The following GNB4 variants were observed in gnomAD, a reference collection of about 807,000 sequenced individuals.
The protein encoded by GNB4 is G protein subunit beta 4, also known as guanine nucleotide-binding protein subunit beta-4.
Under a neutral mutation model 45.2 loss-of-function variants are expected in GNB4, and 28 were observed. The ratio of observed to expected loss-of-function variants is 0.62; its 90% CI spans 0.46 to 0.85. The LOEUF (loss-of-function observed/expected upper bound fraction) is 0.85. Among genes scored for constraint, GNB4 ranks in the 40% least tolerant of loss-of-function variants. GNB4 has a pLI of 0.00. For missense variants in GNB4, 321 were observed against 425.4 expected (o/e 0.75, Z 2.16); for synonymous variants, 132 against 143.7 (o/e 0.92, Z 0.58).
chr3:179,427,946 A>AT (rs1715193859), intron 1 of GNB4, among the ~76,000 whole-genome samples: 1 of 152,110 alleles, frequency 6.6e-6, no homozygotes, highest in African/African-American at 2.4e-5. Context: ...ACCCAAGCCT[A>AT]TAACTTTTTA....
chr3:179,420,470 A>AT (rs1168351312), intron 3 of GNB4, among the ~76,000 whole-genome samples: 3,866 of 119,188 alleles, frequency 0.032, 162 homozygotes, highest in African/African-American at 0.096. Context: ...ATATATATAT[A>AT]TTTTTTTTTG....
chr3:179,465,386 G>A, the GNB4 span: 165,666 of 633,264 alleles, frequency 0.26, 23,752 homozygotes, highest in East Asian at 0.4. Context: ...GGCGAATCAC[G>A]AGATCAGGAA....
rs1386715280 is a variant in GNB4 at position 179,397,045 on chromosome 3, A to G, written c.*4168T>C. 1 of 152,208 alleles carries G rather than the reference A, an allele frequency of 6.6e-6. No homozygotes were observed. The highest frequency in any genetic ancestry group is 1.5e-5 in the Non-Finnish European group (1 of 68,030). The allele number at this position is 152,208 out of a possible 1,614,324, so 9.4% of individuals were successfully genotyped here. The stretch of plus-strand genomic sequence containing the variant: ...TTGCTTTTTCACAATGGCAAAAAGG[A>G]AAGAATTTGAACATAATATTTAATT... On this transcript the variant is annotated 3_prime_UTR_variant, in exon 10 of 10. Coordinates refer to ENST00000232564, the MANE Select transcript of GNB4 (RefSeq NM_021629.4).
At chr3:179,487,688 G>T in the GNB4 span, among the ~76,000 whole-genome samples, 1 of 151,964 alleles carries the variant, frequency 6.6e-6, no homozygotes, top group Admixed American at 6.5e-5. Flanking sequence ...AAGGTTTTTT[G>T]TTTGTTTGTT....
In GNB4 at chr3:179,415,051, T is replaced by TAAC; in HGVS notation, c.268-5_268-4insGTT. 6.3e-7 allele frequency: 1 copy of TAAC among 1,578,208 alleles called. No homozygotes were observed. The highest frequency in any genetic ancestry group is 1.2e-5 in the South Asian group (1 of 86,272). The stretch of plus-strand genomic sequence containing the variant: ...ACCTCAAAGGAATAGCATGCATCTG[T>TAAC]AGGGCACACACCACACATCACTCAG... On this transcript the variant is annotated splice_polypyrimidine_tract_variant and splice_region_variant and intron_variant, in intron 5 of 9. Coordinates refer to ENST00000232564, the MANE Select transcript of GNB4 (RefSeq NM_021629.4).
the GNB4 span, among the ~76,000 whole-genome samples, chr3:179,490,288 C>T: frequency 6.6e-6 from 1 of 152,192 alleles, no homozygotes; most frequent in Non-Finnish European, 1.5e-5. Context: ...ACAATCAAAA[C>T]ATGCAGCCAG....
At chr3:179,527,167 G>A in the GNB4 span, among the ~76,000 whole-genome samples, 1 of 152,196 alleles carries the variant, frequency 6.6e-6, no homozygotes, top group Admixed American at 6.5e-5. Flanking sequence ...GGGGAAGGGG[G>A]AGGGAAAGAA....
the GNB4 span, among the ~76,000 whole-genome samples, chr3:179,489,019 AAT>A: frequency 0.042 from 908 of 21,372 alleles, 32 homozygotes; most frequent in Non-Finnish European, 0.057. Flanking sequence ...AAAAAAAAAA[AAT>A]ATATATATAT....
At chr3:179,511,453 A>C in the GNB4 span, among the ~76,000 whole-genome samples, 1 of 152,202 alleles carries the variant, frequency 6.6e-6, no homozygotes, top group Non-Finnish European at 1.5e-5. Flanking sequence ...TGACAGATGA[A>C]TACAGTGGTG....
the GNB4 span, among the ~76,000 whole-genome samples, chr3:179,492,466 C>G: frequency 1.3e-5 from 2 of 152,202 alleles, no homozygotes; most frequent in South Asian, 4.2e-4. Flanking sequence ...GCTGCTGTGC[C>G]GTTTCCCCAG....
the GNB4 span, among the ~76,000 whole-genome samples, chr3:179,466,993 G>A: frequency 0.019 from 2,860 of 152,276 alleles, 64 homozygotes; most frequent in African/African-American, 0.058. Context: ...TGTGGATGAT[G>A]ATAAATACTT....
intron 2 of GNB4, among the ~76,000 whole-genome samples, chr3:179,424,196 AC>A (rs1300548982): frequency 1.3e-5 from 2 of 152,204 alleles, no homozygotes; most frequent in African/African-American, 4.8e-5. Flanking sequence ...ATGAAGTAAC[AC>A]CATCGACTTC....
chr3:179,420,607 C>T (rs1351748594), intron 3 of GNB4, among the ~76,000 whole-genome samples: 1 of 151,792 alleles, frequency 6.6e-6, no homozygotes, highest in African/African-American at 2.4e-5. Context: ...GGATTATGCC[C>T]AGCTAATTTT....
chr3:179,489,689 C>T, the GNB4 span, among the ~76,000 whole-genome samples: 3 of 152,108 alleles, frequency 2.0e-5, no homozygotes, highest in Non-Finnish European at 4.4e-5. Context: ...GCTATTTCTG[C>T]AGGCAATCTT....
the GNB4 span, among the ~76,000 whole-genome samples, chr3:179,499,900 T>C: frequency 6.6e-6 from 1 of 152,248 alleles, no homozygotes. Context: ...TGTCTGTTCA[T>C]ATCCTTTGCC....
the GNB4 span, among the ~76,000 whole-genome samples, chr3:179,503,508 A>G: frequency 1.3e-5 from 2 of 152,250 alleles, no homozygotes; most frequent in Admixed American, 1.3e-4. Context: ...CTGGTCTTCA[A>G]TAGCTGGTCG....
At chr3:179,514,491 T>C in the GNB4 span, among the ~76,000 whole-genome samples, 2 of 152,156 alleles carry the variant, frequency 1.3e-5, no homozygotes, top group Non-Finnish European at 2.9e-5. Context: ...GACAGAGTGT[T>C]AGGGGCTGAA....
rs781135170 is a variant in GNB4, at chr3:179,419,452, T to C, written c.150A>G (p.Thr50=). Residue 50 remains threonine (T), a synonymous_variant, in exon 4 of 10, where the codon ACA becomes ACG. Transcript: ENST00000232564. ...AGATTTTAGCTAGGTGGCCCCTCAG[T>C]GTACGTCTTGTTCGCATTTGTATTC... ...VGRIQMRTRR[T]LRGHLAKIYA... is the part of the protein sequence containing the mutation. 2 of 1,613,416 alleles carry C rather than the reference T, an allele frequency of 1.2e-6. No homozygotes were observed. Among genetic ancestry groups the C allele is most frequent in the Admixed American group, 3.3e-5 (2 of 59,994 alleles).
At chr3:179,500,486 C>A in the GNB4 span, among the ~76,000 whole-genome samples, 1 of 152,132 alleles carries the variant, frequency 6.6e-6, no homozygotes, top group African/African-American at 2.4e-5. Context: ...GTTACTGTAG[C>A]CTTGTAGTAT....
Sources: allele counts gnomAD v4.1 joint callset (sites outside exome capture counted in the v4.1 genomes callset), GRCh38; gene constraint gnomAD v4.1.1; transcripts MANE v1.5; gene names NCBI Gene and HGNC (gene_info 2026-07-23, HGNC 2026-07-21).